Variants in ZFHX4 observed in about 807,000 individuals in gnomAD.
ZFHX4 encodes the protein zinc finger homeobox 4.
A neutral mutation model predicts 267.6 loss-of-function variants in ZFHX4; 56 were observed. That is an observed-to-expected ratio of 0.21 (90% confidence interval 0.17 to 0.26). ZFHX4 has a LOEUF of 0.26. Among genes scored for constraint, ZFHX4 ranks in the 10% least tolerant of loss-of-function variants. The probability of loss-of-function intolerance (pLI) is 1.00; values close to 1 mark genes in which losing one functional copy is unlikely to be tolerated. For missense variants in ZFHX4, 4,332 were observed against 4,420.0 expected (o/e 0.98, Z 0.56); for synonymous variants, 1,778 against 1,665.6 (o/e 1.07, Z -1.64).
chr8:76,837,975 T>C (rs1461458971), intron 5 of ZFHX4, among the ~76,000 whole-genome samples: 1 of 152,228 alleles, frequency 6.6e-6, no homozygotes, highest in Non-Finnish European at 1.5e-5. Context: ...CACCAATTTG[T>C]GTATGTTATT....
At chr8:76,721,900 A>G (rs1225951951) in intron 3 of ZFHX4, among the ~76,000 whole-genome samples, 1 of 152,134 alleles carries the variant, frequency 6.6e-6, no homozygotes, top group Non-Finnish European at 1.5e-5. Context: ...AAGTGTATGG[A>G]TGAACCTAAA....
intron 5 of ZFHX4, among the ~76,000 whole-genome samples, chr8:76,839,322 G>GTTGTCA (rs1358051905): frequency 1.3e-5 from 2 of 152,032 alleles, no homozygotes; most frequent in Non-Finnish European, 1.5e-5. Flanking sequence ...GATCATTTTA[G>GTTGTCA]ACATGTCAAA....
chr8:76,773,607 T>C (rs1017853635), intron 3 of ZFHX4, among the ~76,000 whole-genome samples: 15 of 152,164 alleles, frequency 9.9e-5, no homozygotes, highest in African/African-American at 3.6e-4. Flanking sequence ...GATAGTAGAA[T>C]GGGCCCTTCA....
chr8:76,725,036 T>C (rs1808816928), intron 3 of ZFHX4, among the ~76,000 whole-genome samples: 1 of 152,108 alleles, frequency 6.6e-6, no homozygotes, highest in Admixed American at 6.6e-5. Context: ...TAGATATTGA[T>C]GTGTGTATAT....
At chr8:76,827,660 T>C (rs1232011176) in intron 4 of ZFHX4, among the ~76,000 whole-genome samples, 1 of 152,216 alleles carries the variant, frequency 6.6e-6, no homozygotes, top group Non-Finnish European at 1.5e-5. Context: ...TTATTGAAAC[T>C]AATTTATATC....
At chr8:76,766,581 C>T (rs72659508) in intron 3 of ZFHX4, among the ~76,000 whole-genome samples, 410 of 151,952 alleles carry the variant, frequency 2.7e-3, no homozygotes, top group Non-Finnish European at 4.8e-3. Flanking sequence ...TATTGAATGC[C>T]TATATTATTG....
rs758333391 is a variant in ZFHX4, at chr8:76,707,732, G to T, written c.2777G>T (p.Ser926Ile). The change falls in exon 3 of 11, where the codon AGT becomes ATT. Residue 926 changes from serine (S) to isoleucine (I), a missense_variant. By Grantham distance (142) the Ser-to-Ile change is moderately radical (BLOSUM62 -2). Around this residue, in one of 7 missense-constraint regions of ZFHX4, gnomAD observed 1,195 missense variants for 1,173.6 expected, o/e 1.02. Coordinates refer to ENST00000651372, the MANE Select transcript of ZFHX4 (RefSeq NM_024721.5). ...GAGGCCCTAAGTGTGCATGTGAGCA[G>T]TGAGCGCTCTCTCCCTGAAGAGGAA... ...SLEALSVHVS[S>I]ERSLPEEEWR... The T allele has an allele frequency of 2.5e-6, 4 of 1,613,764 alleles. No homozygotes were observed. Among genetic ancestry groups the T allele is most frequent in the Non-Finnish European group, 3.4e-6 (4 of 1,179,870 alleles).
chr8:76,751,435 T>C (rs186707440), intron 3 of ZFHX4, among the ~76,000 whole-genome samples: 42 of 152,288 alleles, frequency 2.8e-4, no homozygotes, highest in Admixed American at 1.6e-3. Context: ...CAGTAATTAA[T>C]AATGCCACTC....
chr8:76,792,331 T>C (rs1397778081), intron 4 of ZFHX4, among the ~76,000 whole-genome samples: 1 of 152,172 alleles, frequency 6.6e-6, no homozygotes, highest in African/African-American at 2.4e-5. Flanking sequence ...AAGTAATTAG[T>C]GAGCTGTGCA....
chr8:76,763,459 C>T (rs976666279), intron 3 of ZFHX4, among the ~76,000 whole-genome samples: 9 of 152,026 alleles, frequency 5.9e-5, no homozygotes, highest in Admixed American at 1.3e-4. Context: ...CCTGTCTCTA[C>T]AAAAAATACA....
In ZFHX4 at chr8:76,853,587, A is replaced by G; in HGVS notation, c.6666A>G (p.Ala2222=). The part of the protein sequence containing the change: ...PTSLEHYKSD[A]SFSKRSSRTR... ...CTTTAGAACATTACAAATCTGATGCATCATTCAGTAAAAGGTCTTCTAGAA... is the reference window on the plus strand; with the variant it reads ...CTTTAGAACATTACAAATCTGATGCGTCATTCAGTAAAAGGTCTTCTAGAA... The change falls in exon 10 of 11, where the codon GCA becomes GCG. Residue 2222 remains alanine, a synonymous_variant. Coordinates refer to ENST00000651372, the MANE Select transcript of ZFHX4 (RefSeq NM_024721.5). 1 of 1,613,932 alleles carries G rather than the reference A, an allele frequency of 6.2e-7. No individual in the cohort carries two copies. Among genetic ancestry groups the G allele is most frequent in the Non-Finnish European group, 8.5e-7 (1 of 1,179,874 alleles).
intron 4 of ZFHX4, among the ~76,000 whole-genome samples, chr8:76,797,882 CTGTATGTG>C (rs1275559522): frequency 7.4e-6 from 1 of 135,570 alleles, no homozygotes; most frequent in African/African-American, 2.9e-5. Flanking sequence ...GGGTGTGTGT[CTGTATGTG>C]TGTGTGTGTG....
intron 4 of ZFHX4, among the ~76,000 whole-genome samples, chr8:76,809,233 G>T (rs955259247): frequency 2.6e-4 from 39 of 151,850 alleles, no homozygotes; most frequent in African/African-American, 9.4e-4. Flanking sequence ...CGCTTGTCTT[G>T]GTACTTTTAT....
chr8:76,746,040 G>A (rs182049616), intron 3 of ZFHX4, among the ~76,000 whole-genome samples: 25 of 152,248 alleles, frequency 1.6e-4, no homozygotes, highest in African/African-American at 5.5e-4. Context: ...TATCTGTAGG[G>A]TGTCGGTTCT....
At chr8:76,803,484 A>G (rs1291536308) in intron 4 of ZFHX4, among the ~76,000 whole-genome samples, 1 of 152,124 alleles carries the variant, frequency 6.6e-6, no homozygotes, top group East Asian at 1.9e-4. Context: ...TAAACTCTAA[A>G]TAGGTCTTTC....
chr8:76,791,112 A>G (rs904063670), intron 4 of ZFHX4, among the ~76,000 whole-genome samples: 5 of 152,222 alleles, frequency 3.3e-5, no homozygotes, highest in Non-Finnish European at 7.3e-5. Flanking sequence ...CTGATTAAAC[A>G]TAGCACAAAA....
At position 76,705,863 on chromosome 8, in the gene ZFHX4, G is replaced by A. The variant is rs1449133037; in HGVS notation, c.1775G>A (p.Gly592Asp). The A allele has an allele frequency of 3.1e-6, 5 of 1,613,676 alleles. No homozygotes were observed. Among genetic ancestry groups the A allele is most frequent in the East Asian group, 2.2e-5 (1 of 44,846 alleles). The change falls in exon 2 of 11, where the codon GGC becomes GAC. Residue 592 changes from glycine to aspartate, a missense_variant. Gly to Asp is a moderately conservative substitution (Grantham distance 94). Around this residue, in one of 7 missense-constraint regions of ZFHX4, gnomAD observed 1,195 missense variants for 1,173.6 expected, o/e 1.02. Coordinates refer to ENST00000651372, the MANE Select transcript of ZFHX4 (RefSeq NM_024721.5). ...EDSSATPHQHGFTPSTPGTPG... is the reference protein window; with the variant it reads ...EDSSATPHQHDFTPSTPGTPG... The stretch of plus-strand genomic sequence containing the variant: ...AGTTCAGCCACTCCTCACCAGCATG[G>A]CTTTACCCCGAGTACTCCTGGCACA...
chr8:76,799,876 G>A (rs1563529525), intron 4 of ZFHX4, among the ~76,000 whole-genome samples: 3 of 152,068 alleles, frequency 2.0e-5, no homozygotes, highest in South Asian at 2.1e-4. Context: ...TATACCTCCC[G>A]TGTTCATTCA....
chr8:76,785,438 C>T (rs1212329242), intron 4 of ZFHX4, among the ~76,000 whole-genome samples: 3 of 151,956 alleles, frequency 2.0e-5, no homozygotes, highest in African/African-American at 7.2e-5. Flanking sequence ...GGCAAATATT[C>T]CCTCAGAAAT....
Sources: gnomAD v4.1 joint callset for allele counts (sites outside exome capture counted in the v4.1 genomes callset) on GRCh38, gnomAD v4.1.1 for gene constraint, gnomAD v4.1.1 regional missense constraint, MANE v1.5 for transcripts, NCBI Gene and HGNC (gene_info 2026-07-23, HGNC 2026-07-21) for gene names.